Variants in DAB1 observed in about 807,000 individuals in gnomAD.
DAB1 encodes DAB adaptor protein 1, also known as disabled homolog 1.
Under a neutral mutation model 64.6 loss-of-function variants are expected in DAB1, and 15 were observed. The ratio of observed to expected loss-of-function variants is 0.23; its 90% CI spans 0.16 to 0.36. The LOEUF is 0.36. Among genes scored for constraint, DAB1 ranks in the 10% least tolerant of loss-of-function variants. The pLI, the probability that DAB1 is intolerant of heterozygous loss-of-function variation, is 1.00. For synonymous variants in DAB1, 235 were observed against 251.9 expected (o/e 0.93, Z 0.64); for missense variants, 596 against 706.7 (o/e 0.84, Z 1.78).
At chr1:57,281,715 G>A (rs1671908538) in intron 2 of DAB1, among the ~76,000 whole-genome samples, 1 of 152,128 alleles carries the variant, frequency 6.6e-6, no homozygotes, top group Non-Finnish European at 1.5e-5. Flanking sequence ...GAGATGGACA[G>A]CAGTGAAAAC....
At chr1:57,590,742 ACAC>A (rs1645436297) in intron 7 of DAB1, among the ~76,000 whole-genome samples, 1 of 79,392 alleles carries the variant, frequency 1.3e-5, no homozygotes, top group Non-Finnish European at 3.1e-5. Context: ...CGTAACACAC[ACAC>A]ACACACACAC....
At chr1:57,303,844 G>A (rs12057381) in intron 1 of DAB1, among the ~76,000 whole-genome samples, 4,217 of 152,120 alleles carry the variant, frequency 0.028, 200 homozygotes, top group African/African-American at 0.095. Flanking sequence ...CATACCCAGT[G>A]TTCACGAGGC....
intron 4 of DAB1, among the ~76,000 whole-genome samples, chr1:58,168,703 A>T (rs1655998904): frequency 6.6e-6 from 1 of 152,092 alleles, no homozygotes; most frequent in African/African-American, 2.4e-5. Context: ...GGATATGGGG[A>T]GCTTCAGAAA....
At chr1:57,463,181 A>G (rs1342546080) in intron 7 of DAB1, among the ~76,000 whole-genome samples, 1 of 152,150 alleles carries the variant, frequency 6.6e-6, no homozygotes, top group Non-Finnish European at 1.5e-5. Context: ...CAACTGTTCT[A>G]CCCTGGACAG....
At chr1:57,933,983 C>G (rs1201312201) in intron 5 of DAB1, among the ~76,000 whole-genome samples, 1 of 151,266 alleles carries the variant, frequency 6.6e-6, no homozygotes, top group African/African-American at 2.4e-5. Context: ...GCAACCTCTG[C>G]CTCCCAGGTT....
intron 5 of DAB1, among the ~76,000 whole-genome samples, chr1:58,120,065 G>T (rs1652647620): frequency 6.6e-6 from 1 of 152,050 alleles, no homozygotes; most frequent in African/African-American, 2.4e-5. Context: ...TCCTTTACTG[G>T]CCTCGTCTTT....
At chr1:57,571,206 A>C (rs1162820763) in intron 7 of DAB1, among the ~76,000 whole-genome samples, 1 of 152,010 alleles carries the variant, frequency 6.6e-6, no homozygotes, top group Non-Finnish European at 1.5e-5. Flanking sequence ...TTTTTCTCTT[A>C]TCTGGTTGCT....
At chr1:58,017,409 A>G (rs1226099247) in intron 5 of DAB1, among the ~76,000 whole-genome samples, 1 of 152,172 alleles carries the variant, frequency 6.6e-6, no homozygotes, top group Non-Finnish European at 1.5e-5. Flanking sequence ...GGATGTAGGC[A>G]GTGGGGGTCC....
intron 3 of DAB1, among the ~76,000 whole-genome samples, chr1:58,411,022 A>G (rs72914376): frequency 4.3e-4 from 65 of 152,330 alleles, no homozygotes; most frequent in African/African-American, 1.5e-3. Context: ...AAACTTGGAG[A>G]CCATCTAATT....
At chr1:58,332,272 T>C (rs896841776) in intron 4 of DAB1, among the ~76,000 whole-genome samples, 15 of 152,192 alleles carry the variant, frequency 9.9e-5, no homozygotes, top group Admixed American at 9.8e-4. Context: ...CTGTTTGTGT[T>C]CCTTGTTCCC....
chr1:58,128,178 C>T (rs1434564936), intron 5 of DAB1, among the ~76,000 whole-genome samples: 1 of 152,000 alleles, frequency 6.6e-6, no homozygotes, highest in Admixed American at 6.6e-5. Context: ...CCTTCATATC[C>T]CTTGTAAGTT....
chr1:57,615,240 C>T (rs138899329), intron 7 of DAB1, among the ~76,000 whole-genome samples: 43 of 152,350 alleles, frequency 2.8e-4, no homozygotes, highest in African/African-American at 1.0e-3. Flanking sequence ...CTGTATTTTA[C>T]AGCCCCTTTG....
intron 7 of DAB1, among the ~76,000 whole-genome samples, chr1:57,456,611 AT>A (rs1414357959): frequency 6.6e-5 from 10 of 152,104 alleles, no homozygotes; most frequent in Non-Finnish European, 1.5e-4. Context: ...CAATCCTCTC[AT>A]AAAGGCAGAA....
At chr1:57,732,402 T>C (rs920181725) in intron 6 of DAB1, among the ~76,000 whole-genome samples, 6 of 152,118 alleles carry the variant, frequency 3.9e-5, no homozygotes, top group Non-Finnish European at 8.8e-5. Flanking sequence ...AGTGTCAGGA[T>C]CAGAGCAGCC....
At chr1:57,436,715 T>C (rs1685708826) in intron 7 of DAB1, among the ~76,000 whole-genome samples, 2 of 152,186 alleles carry the variant, frequency 1.3e-5, no homozygotes, top group Admixed American at 1.3e-4. Context: ...ATGAAGTGGA[T>C]GCCACCAGAA....
intron 6 of DAB1, among the ~76,000 whole-genome samples, chr1:57,757,694 C>A (rs957105852): frequency 1.3e-5 from 2 of 152,194 alleles, no homozygotes; most frequent in Non-Finnish European, 2.9e-5. Context: ...GTGAAGACTT[C>A]ATTTCCAAAT....
At chr1:57,744,429 ACT>A (rs1373719218) in intron 6 of DAB1, among the ~76,000 whole-genome samples, 5 of 144,976 alleles carry the variant, frequency 3.4e-5, no homozygotes, top group East Asian at 2.0e-4. Context: ...TTTGAGTGAA[ACT>A]CTGTCTCAAA....
intron 6 of DAB1, among the ~76,000 whole-genome samples, chr1:57,814,237 C>A (rs1172289695): frequency 1.3e-5 from 2 of 152,168 alleles, no homozygotes; most frequent in South Asian, 4.1e-4. Flanking sequence ...ACATTTCCAG[C>A]GCTGAACTGG....
At chr1:57,293,220 T>G (rs1672924291) in intron 1 of DAB1, among the ~76,000 whole-genome samples, 1 of 152,192 alleles carries the variant, frequency 6.6e-6, no homozygotes, top group South Asian at 2.1e-4. Flanking sequence ...GTCTCAAGTC[T>G]GCCTGGACAT....
Sources: allele counts gnomAD v4.1 joint callset (sites outside exome capture counted in the v4.1 genomes callset), GRCh38; gene constraint gnomAD v4.1.1; transcripts MANE v1.5; gene names NCBI Gene and HGNC (gene_info 2026-07-23, HGNC 2026-07-21).